INTS2: variants seen among roughly 807,000 people sequenced by gnomAD.
INTS2 encodes KIAA1287.
INTS2 carries 57 observed loss-of-function variants against 139.6 expected under a neutral mutation model. That is an observed-to-expected ratio of 0.41 (90% CI 0.33 to 0.51). INTS2 has a LOEUF of 0.51. Ranked by LOEUF, INTS2 falls within the 20% of genes least tolerant of loss-of-function variation. The pLI is 0.28. For synonymous variants in INTS2, 473 were observed against 493.4 expected (o/e 0.96, Z 0.55); for missense variants, 1,196 against 1,436.7 (o/e 0.83, Z 2.71).
chr17:61,877,270 G>C (rs1266134215), intron 18 of INTS2, among the ~76,000 whole-genome samples: 1 of 152,166 alleles, frequency 6.6e-6, no homozygotes, highest in African/African-American at 2.4e-5. Flanking sequence ...TCTCTGGGGA[G>C]CTAAAGTCTA....
chr17:61,907,575 C>T lies in INTS2; in HGVS notation c.1014G>A (p.Glu338=). The T allele has an allele frequency of 6.3e-7, 1 of 1,593,530 alleles. No individual in the cohort carries two copies. Among genetic ancestry groups the T allele is most frequent in the Non-Finnish European group, 8.6e-7 (1 of 1,169,398 alleles). The part of the protein sequence containing the change: ...LWQMRRQLLL[E]LMGILPTVRS... ...TTACTGTGGGAAGAATGCCCATCAA[C>T]TCCAGAAGAAGCTGCCTTCTCATCT... The change falls in exon 8 of 25, where the codon GAG becomes GAA. Residue 338 remains glutamate, a synonymous_variant. Transcript: ENST00000251334.
intron 11 of INTS2, 90 bp from the exon 12 acceptor site, chr17:61,895,473 C>G (rs2079337855): frequency 1.5e-6 from 1 of 687,216 alleles, no homozygotes; most frequent in African/African-American, 1.9e-5. Flanking sequence ...CTATGATACA[C>G]ATAAATGTTC....
rs1466958364 is a variant in INTS2, at chr17:61,875,689, GCTT to G, written c.2457-654_2457-652del. On this transcript the variant is annotated intron_variant, in intron 18 of 24. Transcript: ENST00000251334. This position sits in a 1 kb window ranked among gnomAD's most constrained non-coding sequence, Gnocchi z 4.6. ...AAGGATCATCAGACACTTAAAGAAA[GCTT>G]TTACTTTGAAAAAGATTAAAATATA... 6.6e-6 allele frequency among the ~76,000 whole-genome samples: 1 copy of G among 151,824 alleles called. No individual in the cohort carries two copies. Among genetic ancestry groups the G allele is most frequent in the Admixed American group, 6.6e-5 (1 of 15,226 alleles).
Position 61,867,324 on chromosome 17 carries a change from G to A in INTS2, c.*233C>T. 3 of 283,754 alleles carry A rather than the reference G, an allele frequency of 1.1e-5. No individual in the cohort carries two copies. Among genetic ancestry groups the A allele is most frequent in the South Asian group, 1.4e-4 (1 of 7,122 alleles). The allele number at this position is 283,754 out of a possible 1,614,324, so 17.6% of individuals were successfully genotyped here. On this transcript the variant is annotated 3_prime_UTR_variant, in exon 25 of 25. Coordinates refer to ENST00000251334, the MANE Select transcript of INTS2 (RefSeq NM_001351695.2). The surrounding 1 kb of genome is among the most constrained non-coding windows in gnomAD (Gnocchi z 5.6). ...TGTGTTCCCAGTGGAAAAAAAAAAA[G>A]CTCAGCTGCTACAATAGAAACATAT...
rs754024702 is a variant in INTS2 at position 61,907,523 on chromosome 17, C to T, written c.1066G>A (p.Asp356Asn). The T allele has an allele frequency of 6.3e-6, 10 of 1,598,154 alleles. No homozygotes were observed. Among genetic ancestry groups the T allele is most frequent in the Non-Finnish European group, 1.7e-6 (2 of 1,172,378 alleles). The change falls in exon 8 of 25, where the codon GAT becomes AAT. Residue 356 changes from aspartate (D) to asparagine (N), a missense_variant. Physicochemically the swap from Asp to Asn is conservative, Grantham distance 23. Transcript: ENST00000251334. Reference protein sequence around the residue: ...VRSTRIVEEADVDMEPNVSVY... With the variant: ...VRSTRIVEEANVDMEPNVSVY... ...GACACATTGGGCTCCATATCCACAT[C>T]AGCTTCTTCCACAATTCGGGTGCTT... is the stretch of plus-strand genomic sequence containing the variant.
In INTS2 at chr17:61,893,458, G is replaced by A. The variant is rs571651126; in HGVS notation, c.1698+307C>T. On this transcript the variant is annotated intron_variant, in intron 13 of 24. Transcript: ENST00000251334. This position sits in a 1 kb window ranked among gnomAD's most constrained non-coding sequence, Gnocchi z 5.4. Reference sequence around the variant, plus strand: ...CGCCTGTAATCCCAGCACTTTGGTCGGTTGAGACAGGCATATCACTTGAGG... The same window carrying A: ...CGCCTGTAATCCCAGCACTTTGGTCAGTTGAGACAGGCATATCACTTGAGG... Among the ~76,000 whole-genome samples the A allele has an allele frequency of 5.3e-5, 8 of 152,212 alleles. No individual in the cohort carries two copies. Among genetic ancestry groups the A allele is most frequent in the Admixed American group, 3.9e-4 (6 of 15,270 alleles).
In INTS2 at chr17:61,868,712, C is replaced by T. The variant is rs1214340867; in HGVS notation, c.3244+322G>A. 1.3e-5 allele frequency among the ~76,000 whole-genome samples: 2 copies of T among 152,094 alleles called. No homozygotes were observed. Among genetic ancestry groups the T allele is most frequent in the African/African-American group, 4.8e-5 (2 of 41,432 alleles). ...AATGAACATTTGTTATCTACTGATA[C>T]AATTACATTCTGAAAGTGTATTTGT... On this transcript the variant is annotated intron_variant, in intron 23 of 24. Coordinates refer to ENST00000251334, the MANE Select transcript of INTS2 (RefSeq NM_001351695.2). This position sits in a 1 kb window ranked among gnomAD's most constrained non-coding sequence, Gnocchi z 4.7.
At position 61,872,689 on chromosome 17, in the gene INTS2, A is replaced by T. The variant is rs181701402; in HGVS notation, c.2583-229T>A. ...TGTTTCATCTTATCAGCTAAAGTCAAATATGTATAATGTAAATTCTAAAGA... is the reference window on the plus strand; with the variant it reads ...TGTTTCATCTTATCAGCTAAAGTCATATATGTATAATGTAAATTCTAAAGA... On this transcript the variant is annotated intron_variant, in intron 19 of 24. Coordinates refer to ENST00000251334, the MANE Select transcript of INTS2 (RefSeq NM_001351695.2). The surrounding 1 kb of genome is among the most constrained non-coding windows in gnomAD (Gnocchi z 4.8). Among the ~76,000 whole-genome samples the T allele has an allele frequency of 1.5e-4, 23 of 152,314 alleles. No individual in the cohort carries two copies. Among genetic ancestry groups the T allele is most frequent in the Admixed American group, 1.2e-3 (19 of 15,298 alleles).
At chr17:61,905,552 C>A (rs1052332733) in intron 8 of INTS2, among the ~76,000 whole-genome samples, 1 of 152,206 alleles carries the variant, frequency 6.6e-6, no homozygotes, top group African/African-American at 2.4e-5. Context: ...TCCTCGAACT[C>A]CTGACCTCAC....
In INTS2 at chr17:61,870,005, CAT is replaced by C. The variant is rs1050886264; in HGVS notation, c.2779-19_2779-18del. 31 of 1,581,832 alleles carry C rather than the reference CAT, an allele frequency of 2.0e-5. No homozygotes were observed. The highest frequency in any genetic ancestry group is 2.6e-5 in the Non-Finnish European group (30 of 1,164,682). The stretch of plus-strand genomic sequence containing the variant: ...TGCACTATCCTATAAGCAAACAAAA[CAT>C]AGAAAAAGTAAGAAGTTTCTAAGAA... On this transcript the variant is annotated intron_variant, in intron 20 of 24. Coordinates refer to ENST00000251334, the MANE Select transcript of INTS2 (RefSeq NM_001351695.2). This position sits in a 1 kb window ranked among gnomAD's most constrained non-coding sequence, Gnocchi z 4.4.
chr17:61,888,442 A>G (rs758832602), intron 15 of INTS2, among the ~76,000 whole-genome samples: 1 of 152,230 alleles, frequency 6.6e-6, no homozygotes, highest in African/African-American at 2.4e-5. Flanking sequence ...TTTCAAATAC[A>G]GGAAAAGATA....
chr17:61,911,745 A>G (rs946744006), intron 6 of INTS2, 52 bp from the exon 7 acceptor site: 6 of 1,548,668 alleles, frequency 3.9e-6, no homozygotes, highest in African/African-American at 1.4e-5. Context: ...CAAAAAGGCC[A>G]GTGATGCTTC....
At position 61,891,510 on chromosome 17, in the gene INTS2, T is replaced by C; in HGVS notation, c.1875+3A>G. On this transcript the variant is annotated splice_donor_region_variant and intron_variant, in intron 14 of 24. Transcript: ENST00000251334. ...AATAGATATAAAAGAACCACTATTT[T>C]ACCCCAATGACTCCTTGGAAAATAT... The C allele has an allele frequency of 6.2e-7, 1 of 1,606,614 alleles. No individual in the cohort carries two copies. Among genetic ancestry groups the C allele is most frequent in the Non-Finnish European group, 8.5e-7 (1 of 1,174,906 alleles).
intron 3 of INTS2, among the ~76,000 whole-genome samples, chr17:61,922,063 T>C (rs751506263): frequency 6.6e-6 from 1 of 152,160 alleles, no homozygotes; most frequent in South Asian, 2.1e-4. Context: ...ATCTAAATAT[T>C]TGGAGACAAC....
In INTS2 at chr17:61,897,601, G is replaced by A; in HGVS notation, c.1380-18C>T. The A allele has an allele frequency of 6.3e-7, 1 of 1,586,492 alleles. No individual in the cohort carries two copies. Among genetic ancestry groups the A allele is most frequent in the South Asian group, 1.1e-5 (1 of 87,442 alleles). ...CTGAAGTACTGTCAAAACAAAATAG[G>A]AAATATGAATTTTCCAAAGAGAGAA... On this transcript the variant is annotated intron_variant, in intron 10 of 24. Coordinates refer to ENST00000251334, the MANE Select transcript of INTS2 (RefSeq NM_001351695.2). This position sits in a 1 kb window ranked among gnomAD's most constrained non-coding sequence, Gnocchi z 4.4.
At chr17:61,880,908 T>G in intron 17 of INTS2, 99 bp downstream of exon 17, 1 of 962,832 alleles carries the variant, frequency 1.0e-6, no homozygotes, top group African/African-American at 1.6e-5. Context: ...AACATTGTTA[T>G]ATCCATGGGA....
chr17:61,908,971 A>G (rs948758034), intron 7 of INTS2, among the ~76,000 whole-genome samples: 10 of 152,168 alleles, frequency 6.6e-5, no homozygotes, highest in African/African-American at 2.4e-4. Context: ...TAGCTCCTTC[A>G]TAGGAACTCT....
In INTS2 at chr17:61,904,479, C is replaced by T; in HGVS notation, c.1288G>A (p.Ala430Thr). 6.2e-7 allele frequency: 1 copy of T among 1,610,034 alleles called. No homozygotes were observed. The highest frequency in any genetic ancestry group is 1.1e-5 in the South Asian group (1 of 90,650). ...AGGTACCTGACAAGTGTAGAAAAGG[C>T]CAGTAGCATACAAAAGGAAAGTGAA... is the stretch of plus-strand genomic sequence containing the variant. ...FVSLSFCMLL[A>T]FSTLVSTPEQ... Residue 430 changes from alanine (A) to threonine (T), a missense_variant, in exon 9 of 25, where the codon GCC becomes ACC. By Grantham distance (58) the Ala-to-Thr change is moderately conservative. This residue lies in a region of INTS2 where 1,129 missense variants were observed against 1,341.9 expected (regional missense o/e 0.84). Coordinates refer to ENST00000251334, the MANE Select transcript of INTS2 (RefSeq NM_001351695.2).
Position 61,912,140 on chromosome 17 carries a change from G to A in INTS2, c.650-70C>T. On this transcript the variant is annotated intron_variant, in intron 5 of 24. Transcript: ENST00000251334. ...TTCATGAAGATTTCACATGACAGAAGAAAAGGATCAGGGTATTTGAAAGCA... is the reference window on the plus strand; with the variant it reads ...TTCATGAAGATTTCACATGACAGAAAAAAAGGATCAGGGTATTTGAAAGCA... 2.0e-6 allele frequency: 3 copies of A among 1,513,966 alleles called. No homozygotes were observed. In the South Asian group the frequency reaches 3.6e-5, roughly 18 times the overall value. 93.8% of individuals were successfully genotyped at this position (1,513,966 alleles called of 1,614,324 possible).
Sources: allele counts gnomAD v4.1 joint callset (sites outside exome capture counted in the v4.1 genomes callset), GRCh38; gene constraint gnomAD v4.1.1; regional missense constraint gnomAD v4.1.1; non-coding constraint Gnocchi (gnomAD v3.1); transcripts MANE v1.5; gene names NCBI Gene and HGNC (gene_info 2026-07-23, HGNC 2026-07-21).